Variants in SLC23A2 observed in about 807,000 individuals in gnomAD.
SLC23A2 encodes the protein solute carrier family 23 member 2.
A neutral mutation model predicts 73.3 loss-of-function variants in SLC23A2; 36 were observed. The observed-to-expected ratio is 0.49, with a 90% CI of 0.38 to 0.65. SLC23A2 has a LOEUF of 0.65. Ranked by LOEUF, SLC23A2 falls within the 30% of genes least tolerant of loss-of-function variation. The pLI, the probability that SLC23A2 is intolerant of heterozygous loss-of-function variation, is 0.00. For synonymous variants in SLC23A2, 343 were observed against 327.3 expected (o/e 1.05, Z -0.52); for missense variants, 507 against 841.6 (o/e 0.60, Z 4.92).
At chr20:4,866,600 C>A (rs1217622045) in intron 13 of SLC23A2, among the ~76,000 whole-genome samples, 1 of 152,214 alleles carries the variant, frequency 6.6e-6, no homozygotes, top group Non-Finnish European at 1.5e-5. Context: ...GGGCCATTGG[C>A]ACACCTCAGG....
chr20:4,875,662 C>A (rs1020490132), intron 9 of SLC23A2, among the ~76,000 whole-genome samples: 6 of 152,198 alleles, frequency 3.9e-5, no homozygotes, highest in Non-Finnish European at 8.8e-5. Context: ...CAGTCCATGA[C>A]ATCGGTCTGG....
At chr20:4,975,038 T>C (rs369416004) in intron 1 of SLC23A2, among the ~76,000 whole-genome samples, 7 of 152,316 alleles carry the variant, frequency 4.6e-5, no homozygotes, top group African/African-American at 1.7e-4. Context: ...CCACCCGCCT[T>C]GGTCTCCCAA....
At chr20:4,882,931 T>C (rs1930949971) in intron 9 of SLC23A2, among the ~76,000 whole-genome samples, 1 of 152,194 alleles carries the variant, frequency 6.6e-6, no homozygotes, top group Admixed American at 6.5e-5. Context: ...CATAATCAAC[T>C]CTTAAACATG....
chr20:4,877,681 C>T (rs1417174706), intron 9 of SLC23A2, among the ~76,000 whole-genome samples: 6 of 152,036 alleles, frequency 3.9e-5, no homozygotes, highest in Non-Finnish European at 7.4e-5. Context: ...TTGGAGGGAG[C>T]TGAAAAACAG....
intron 3 of SLC23A2, among the ~76,000 whole-genome samples, chr20:4,928,197 G>A (rs541105389): frequency 2.6e-5 from 4 of 151,976 alleles, no homozygotes; most frequent in Non-Finnish European, 5.9e-5. Flanking sequence ...GCACCACCAC[G>A]TCCAGCTAAT....
upstream of SLC23A2, among the ~76,000 whole-genome samples, chr20:5,006,071 T>C (rs576757392): frequency 2.9e-4 from 44 of 152,272 alleles, no homozygotes; most frequent in African/African-American, 9.4e-4. Context: ...AATATAATAA[T>C]GATTGAGCAT....
At chr20:4,881,851 C>A (rs1930896819) in intron 9 of SLC23A2, among the ~76,000 whole-genome samples, 1 of 152,114 alleles carries the variant, frequency 6.6e-6, no homozygotes, top group Admixed American at 6.5e-5. Flanking sequence ...TGCAAAGTTT[C>A]AATTTCCTCT....
chr20:4,912,800 G>A lies in SLC23A2; in HGVS notation c.207+80C>T, dbSNP rs960300938. 6.7e-6 allele frequency: 6 copies of A among 891,348 alleles called. No homozygotes were observed. The African/African-American group carries it at 9.8e-5, about 15-fold the overall frequency. 55.2% of individuals were successfully genotyped at this position (891,348 alleles called of 1,614,324 possible). On this transcript the variant is annotated intron_variant, in intron 4 of 16. Coordinates refer to ENST00000338244, the MANE Select transcript of SLC23A2 (RefSeq NM_005116.6). ...GAAGGACATGCAAGTGTCTGAAAGGGATCCGGATCCAGATCCGGGGCAGCA... is the reference window on the plus strand; with the variant it reads ...GAAGGACATGCAAGTGTCTGAAAGGAATCCGGATCCAGATCCGGGGCAGCA...
intron 2 of SLC23A2, among the ~76,000 whole-genome samples, chr20:4,961,865 G>A (rs530508864): frequency 6.6e-6 from 1 of 152,302 alleles, no homozygotes; most frequent in East Asian, 1.9e-4. Context: ...ATATAACCCT[G>A]ATAGGAAAAC....
chr20:4,979,790 A>T lies in SLC23A2; in HGVS notation c.-281-8871T>A, dbSNP rs538200361. Among the ~76,000 whole-genome samples, 9 of 152,298 alleles carry T rather than the reference A, an allele frequency of 5.9e-5. No individual in the cohort carries two copies. The East Asian group carries it at 1.5e-3, about 26-fold the overall frequency. On this transcript the variant is annotated intron_variant, in intron 1 of 16. Transcript: ENST00000338244. ...GAAACTTTAGAGTTTGAAAAATGAGACTTCTAATTTGAAAATTAAACCAAG... is the reference window on the plus strand; with the variant it reads ...GAAACTTTAGAGTTTGAAAAATGAGTCTTCTAATTTGAAAATTAAACCAAG...
At chr20:4,906,897 C>G (rs543563450) in intron 4 of SLC23A2, among the ~76,000 whole-genome samples, 105 of 152,218 alleles carry the variant, frequency 6.9e-4, no homozygotes, top group African/African-American at 2.4e-3. Context: ...GGAAGGAATG[C>G]ACAAGCTGGG....
intron 2 of SLC23A2, among the ~76,000 whole-genome samples, chr20:4,969,857 C>T (rs1388363157): frequency 2.6e-5 from 4 of 152,050 alleles, no homozygotes; most frequent in Non-Finnish European, 4.4e-5. Context: ...GCACTGTGCC[C>T]ATCACTACTA....
intron 1 of SLC23A2, among the ~76,000 whole-genome samples, chr20:4,984,896 T>C (rs539180179): frequency 6.6e-6 from 1 of 152,304 alleles, no homozygotes; most frequent in African/African-American, 2.4e-5. Context: ...CCCAGCACTT[T>C]GGGAGGCCAA....
Position 4,902,706 on chromosome 20 carries a change from C to T in SLC23A2, c.208-148G>A, listed in dbSNP as rs1212968694. 1.8e-6 allele frequency: 1 copy of T among 542,456 alleles called. No homozygotes were observed. The highest frequency in any genetic ancestry group is 3.2e-5 in the East Asian group (1 of 31,676). 33.6% of individuals were successfully genotyped at this position (542,456 alleles called of 1,614,324 possible). A position where few individuals can be genotyped will look rare whatever the true frequency, so the allele number is the denominator to read the frequency against. ...TTTGAGCCTTGGCTATCTTTGAAGC[C>T]AAGTATTCTCTTTGGCTCAAGTACA... is the stretch of plus-strand genomic sequence containing the variant. On this transcript the variant is annotated intron_variant, in intron 4 of 16. Coordinates refer to ENST00000338244, the MANE Select transcript of SLC23A2 (RefSeq NM_005116.6). The surrounding 1 kb of genome is among the most constrained non-coding windows in gnomAD (Gnocchi z 4.0).
At chr20:4,886,804 C>T (rs1288947751) in intron 6 of SLC23A2, among the ~76,000 whole-genome samples, 6 of 152,162 alleles carry the variant, frequency 3.9e-5, no homozygotes, top group Non-Finnish European at 5.9e-5. Flanking sequence ...GGGCTGGGAA[C>T]TCTCACACAT....
rs150626394 is a variant in SLC23A2 at position 4,905,008 on chromosome 20, G to A, written c.208-2450C>T. Among the ~76,000 whole-genome samples the A allele has an allele frequency of 4.8e-3, 724 of 151,114 alleles. 10 individuals carry two copies. Among genetic ancestry groups the A allele is most frequent in the African/African-American group, 0.017 (690 of 41,074 alleles). On this transcript the variant is annotated intron_variant, in intron 4 of 16. Transcript: ENST00000338244. ...GTGCACCTGTAATCCCAGCTATTCC[G>A]GAGGCTGAGGCAGGAGAATTGCTTG...
intron 3 of SLC23A2, among the ~76,000 whole-genome samples, chr20:4,922,866 T>A (rs942902182): frequency 6.9e-6 from 1 of 145,474 alleles, no homozygotes; most frequent in Non-Finnish European, 1.5e-5. Flanking sequence ...CACACACAAG[T>A]AAGAGATGGC....
At chr20:4,907,959 T>C (rs561163532) in intron 4 of SLC23A2, among the ~76,000 whole-genome samples, 1 of 151,746 alleles carries the variant, frequency 6.6e-6, no homozygotes, top group Non-Finnish European at 1.5e-5. Context: ...CAAAAAACTA[T>C]GAAAGTGTGA....
chr20:4,859,999 A>G (rs1226697596), intron 15 of SLC23A2, among the ~76,000 whole-genome samples: 2 of 152,254 alleles, frequency 1.3e-5, no homozygotes, highest in Non-Finnish European at 2.9e-5. Flanking sequence ...GGATGTGGAG[A>G]AACAGAAACC....
Sources: gnomAD v4.1 joint callset for allele counts (sites outside exome capture counted in the v4.1 genomes callset) on GRCh38, gnomAD v4.1.1 for gene constraint, Gnocchi (gnomAD v3.1) non-coding constraint, MANE v1.5 for transcripts, NCBI Gene and HGNC (gene_info 2026-07-23, HGNC 2026-07-21) for gene names.